CDYL: variants seen among roughly 807,000 people sequenced by gnomAD.
CDYL encodes chromodomain Y like.
Under a neutral mutation model 47.3 loss-of-function variants are expected in CDYL, and 8 were observed. That is an observed-to-expected ratio of 0.17 (90% CI 0.10 to 0.31). The LOEUF (loss-of-function observed/expected upper bound fraction) is 0.31, where lower values mean the gene tolerates loss of function less well. Among genes scored for constraint, CDYL ranks in the 10% least tolerant of loss-of-function variants. CDYL has a pLI of 1.00. For synonymous variants in CDYL, 266 were observed against 265.0 expected, an observed-to-expected ratio of 1.00 and a Z score of -0.04; for missense variants, 471 against 701.4, an observed-to-expected ratio of 0.67 and a Z score of 3.71.
intron 2 of CDYL, among the ~76,000 whole-genome samples, chr6:4,906,366 G>A (rs1277605134): frequency 6.6e-6 from 1 of 152,218 alleles, no homozygotes; most frequent in African/African-American, 2.4e-5. Context: ...AGAGCATAAC[G>A]TGAGCATTAT....
At chr6:4,904,067 T>C (rs1469629174) in intron 2 of CDYL, among the ~76,000 whole-genome samples, 1 of 152,206 alleles carries the variant, frequency 6.6e-6, no homozygotes, top group Non-Finnish European at 1.5e-5. Flanking sequence ...TTGAAAAGCA[T>C]TGTGGTTGAC....
intron 2 of CDYL, among the ~76,000 whole-genome samples, chr6:4,912,977 A>G (rs1757455771): frequency 6.6e-6 from 1 of 152,226 alleles, no homozygotes; most frequent in South Asian, 2.1e-4. Flanking sequence ...TGTTCAAACC[A>G]TAGCAGCTGC....
chr6:4,795,172 A>G (rs986247953), intron 1 of CDYL, among the ~76,000 whole-genome samples: 2 of 151,854 alleles, frequency 1.3e-5, no homozygotes, highest in African/African-American at 2.4e-5. Context: ...AAATCTGGTT[A>G]AAGTTTTATT....
At chr6:4,781,359 T>C (rs189646317) in intron 1 of CDYL, among the ~76,000 whole-genome samples, 8 of 152,348 alleles carry the variant, frequency 5.3e-5, no homozygotes, top group African/African-American at 1.9e-4. Flanking sequence ...ACACCTTTCA[T>C]GGATGTTGGC....
intron 4 of CDYL, among the ~76,000 whole-genome samples, chr6:4,939,261 A>G (rs1107111): frequency 0.054 from 8,272 of 152,152 alleles, 786 homozygotes; most frequent in African/African-American, 0.19. Flanking sequence ...GAGCTTGCAC[A>G]GCAGGATTGG....
chr6:4,710,814 C>T lies in CDYL; in HGVS notation c.-39+4563C>T, dbSNP rs542374961. 4.6e-5 allele frequency among the ~76,000 whole-genome samples: 7 copies of T among 152,228 alleles called. No homozygotes were observed. The East Asian group carries it at 1.4e-3, about 29-fold the overall frequency. On this transcript the variant is annotated intron_variant, in intron 1 of 8. Coordinates refer to the CDYL transcript ENST00000328908. ...AGCTTCCCAGACCACTACTATCATC[C>T]CTTTCTAAATCCCTGTGGTTGAAAT...
chr6:4,770,200 A>C (rs543997413), intron 3 of CDYL, among the ~76,000 whole-genome samples: 1 of 152,174 alleles, frequency 6.6e-6, no homozygotes, highest in Admixed American at 6.5e-5. Flanking sequence ...GCTACGTGAG[A>C]GCAGGGATGA....
chr6:4,916,089 C>T (rs1739357256), intron 2 of CDYL, among the ~76,000 whole-genome samples: 2 of 152,144 alleles, frequency 1.3e-5, no homozygotes, highest in Admixed American at 1.3e-4. Context: ...ATGTCTTTGC[C>T]CATAACTTCT....
intron 3 of CDYL, among the ~76,000 whole-genome samples, chr6:4,936,023 C>A (rs1350187386): frequency 5.9e-5 from 9 of 152,214 alleles, no homozygotes; most frequent in Non-Finnish European, 1.3e-4. Context: ...TGTGGGTCCA[C>A]CCAGGCCTCT....
intron 1 of CDYL, among the ~76,000 whole-genome samples, chr6:4,711,856 G>A (rs1039248133): frequency 2.0e-5 from 3 of 152,174 alleles, no homozygotes; most frequent in South Asian, 2.1e-4. Flanking sequence ...CTTGAGGCCC[G>A]GAGTTTGAAA....
intron 2 of CDYL, among the ~76,000 whole-genome samples, chr6:4,921,395 G>A (rs1480442828): frequency 6.6e-6 from 1 of 152,200 alleles, no homozygotes; most frequent in African/African-American, 2.4e-5. Flanking sequence ...AGTAACAAGA[G>A]GACTCTAGTT....
chr6:4,800,998 T>C (rs1182682214), intron 1 of CDYL, among the ~76,000 whole-genome samples: 1 of 152,222 alleles, frequency 6.6e-6, no homozygotes, highest in Non-Finnish European at 1.5e-5. Flanking sequence ...TTTCCTCCTT[T>C]CCTCTCTCTA....
At chr6:4,733,881 T>G (rs1243919433) in intron 2 of CDYL, among the ~76,000 whole-genome samples, 1 of 144,836 alleles carries the variant, frequency 6.9e-6, no homozygotes, top group African/African-American at 2.6e-5. Context: ...AGACAGAGTC[T>G]CACTCTGTTA....
intron 1 of CDYL, among the ~76,000 whole-genome samples, chr6:4,877,391 C>T (rs1290184540): frequency 6.6e-6 from 1 of 151,794 alleles, no homozygotes; most frequent in Non-Finnish European, 1.5e-5. Flanking sequence ...TTTTTTGTGA[C>T]CTGAGGAACT....
chr6:4,791,390 TAGTACTGA>T (rs1354494281), intron 1 of CDYL, among the ~76,000 whole-genome samples: 3 of 152,246 alleles, frequency 2.0e-5, no homozygotes, highest in African/African-American at 7.2e-5. Context: ...TCTAGACTTC[TAGTACTGA>T]AGTACTTTAG....
At chr6:4,919,667 T>G (rs1270223100) in intron 2 of CDYL, among the ~76,000 whole-genome samples, 1 of 152,230 alleles carries the variant, frequency 6.6e-6, no homozygotes, top group Non-Finnish European at 1.5e-5. Context: ...GTATCCCTGT[T>G]TCTCCATCCC....
chr6:4,711,200 T>C (rs1328703334), intron 1 of CDYL, among the ~76,000 whole-genome samples: 1 of 152,184 alleles, frequency 6.6e-6, no homozygotes, highest in Non-Finnish European at 1.5e-5. Flanking sequence ...GACCCTGGCC[T>C]CTAACGCTGT....
intron 3 of CDYL, among the ~76,000 whole-genome samples, chr6:4,744,303 G>A (rs1309374530): frequency 6.6e-6 from 1 of 152,144 alleles, no homozygotes; most frequent in Non-Finnish European, 1.5e-5. Flanking sequence ...GGCCAGCCTA[G>A]TCAGCTTAGT....
At chr6:4,876,900 G>A (rs1481776994) in intron 1 of CDYL, among the ~76,000 whole-genome samples, 1 of 152,194 alleles carries the variant, frequency 6.6e-6, no homozygotes, top group Non-Finnish European at 1.5e-5. Context: ...GGGGATTAAC[G>A]CAGTGCCATC....
Sources: gnomAD v4.1 joint callset for allele counts (sites outside exome capture counted in the v4.1 genomes callset) on GRCh38, gnomAD v4.1.1 for gene constraint, MANE v1.5 for transcripts, NCBI Gene and HGNC (gene_info 2026-07-23, HGNC 2026-07-21) for gene names.